The following ZNF236 variants were observed in gnomAD, a reference collection of about 807,000 sequenced individuals.
ZNF236 encodes regulated by glucose.
In ZNF236, 50 loss-of-function variants were observed where a neutral mutation model predicts 191.2. The observed-to-expected ratio is 0.26, with a 90% CI of 0.21 to 0.33. The LOEUF (loss-of-function observed/expected upper bound fraction) is 0.33. Ranked by LOEUF, ZNF236 falls within the 10% of genes least tolerant of loss-of-function variation. The pLI, the probability that ZNF236 is intolerant of heterozygous loss-of-function variation, is 1.00. For synonymous variants in ZNF236, 907 were observed against 928.8 expected (o/e 0.98, Z 0.43); for missense variants, 1,754 against 2,374.5 (o/e 0.74, Z 5.43).
chr18:76,849,979 G>A (rs1057310789), intron 2 of ZNF236, among the ~76,000 whole-genome samples: 2 of 152,186 alleles, frequency 1.3e-5, no homozygotes, highest in Non-Finnish European at 2.9e-5. Context: ...GAACACAGAA[G>A]TGGTGTGTTT....
intron 3 of ZNF236, among the ~76,000 whole-genome samples, chr18:76,852,520 G>C (rs1975907636): frequency 6.6e-6 from 1 of 151,968 alleles, no homozygotes; most frequent in African/African-American, 2.4e-5. Context: ...CTCCTCCTTC[G>C]TCAGGTGCAG....
chr18:76,888,509 C>T (rs559419293), intron 9 of ZNF236: 1 of 152,420 alleles, frequency 6.6e-6, no homozygotes, highest in East Asian at 1.9e-4. Flanking sequence ...ATATCAGTCC[C>T]TCTCTAATTA....
chr18:76,935,401 A>C (rs1309241830), intron 25 of ZNF236, among the ~76,000 whole-genome samples: 1 of 152,246 alleles, frequency 6.6e-6, no homozygotes. Context: ...CTTTAATCAA[A>C]CACAAGCCTT....
chr18:76,842,449 T>G (rs377247992), intron 1 of ZNF236, among the ~76,000 whole-genome samples: 2 of 151,850 alleles, frequency 1.3e-5, no homozygotes, highest in East Asian at 1.9e-4. Flanking sequence ...TTTTTTTTTT[T>G]TTTTTAAGAA....
intron 20 of ZNF236, among the ~76,000 whole-genome samples, chr18:76,920,483 G>A (rs1229157743): frequency 1.3e-5 from 2 of 151,778 alleles, no homozygotes; most frequent in Non-Finnish European, 2.9e-5. Context: ...CCTGAGAGGT[G>A]GAGGTTATGG....
At chr18:76,855,172 C>T (rs1235763012) in intron 3 of ZNF236, among the ~76,000 whole-genome samples, 2 of 152,218 alleles carry the variant, frequency 1.3e-5, no homozygotes, top group Non-Finnish European at 2.9e-5. Context: ...GATCTGCCCA[C>T]CTCAGCCTCC....
rs1304216779 is a variant in ZNF236, at chr18:76,937,182, C to G, written c.4621C>G (p.Pro1541Ala). 1 of 1,614,134 alleles carries G rather than the reference C, an allele frequency of 6.2e-7. No individual in the cohort carries two copies. The highest frequency in any genetic ancestry group is 1.7e-5 in the Admixed American group (1 of 60,030). ...ACTTAACACTACAAGCGGAAGCCTTCCTTCAACAACACCGATGTCTCCATC... is the reference window on the plus strand; with the variant it reads ...ACTTAACACTACAAGCGGAAGCCTTGCTTCAACAACACCGATGTCTCCATC... ...SELNTTSGSLPSTTPMSPSAI... is the reference protein window; with the variant it reads ...SELNTTSGSLASTTPMSPSAI... The change falls in exon 26 of 31, where the codon CCT becomes GCT. Residue 1541 changes from proline (P) to alanine (A), a missense_variant. Around this residue, in one of 5 missense-constraint regions of ZNF236, gnomAD observed 606 missense variants for 761.5 expected, o/e 0.80. Transcript: ENST00000320610.
intron 1 of ZNF236, among the ~76,000 whole-genome samples, chr18:76,845,773 C>T (rs769657551): frequency 2.0e-5 from 3 of 151,952 alleles, no homozygotes; most frequent in Non-Finnish European, 2.9e-5. Context: ...CAATTGAACC[C>T]GGGAGGTGAA....
At chr18:76,854,839 A>T (rs146704369) in intron 3 of ZNF236, among the ~76,000 whole-genome samples, 1 of 152,172 alleles carries the variant, frequency 6.6e-6, no homozygotes, top group East Asian at 1.9e-4. Flanking sequence ...GTACATGCCA[A>T]TTTAACACCT....
chr18:76,922,820 G>T (rs1476222195), intron 20 of ZNF236, among the ~76,000 whole-genome samples: 3 of 152,108 alleles, frequency 2.0e-5, no homozygotes, highest in Admixed American at 2.0e-4. Context: ...GCCTCCCACA[G>T]TGCTGGGATT....
intron 20 of ZNF236, 96 bp from the exon 21 acceptor site, chr18:76,922,975 A>G: frequency 1.1e-6 from 1 of 899,858 alleles, no homozygotes. Context: ...AAACTTAAGC[A>G]GAACGTAGTA....
intron 6 of ZNF236, among the ~76,000 whole-genome samples, chr18:76,876,866 C>A (rs535591378): frequency 7.8e-4 from 119 of 152,198 alleles, no homozygotes; most frequent in Non-Finnish European, 1.5e-3. Context: ...TAGAAAACTC[C>A]CCCTATGCTA....
chr18:76,829,481 C>T (rs541457085), intron 1 of ZNF236, among the ~76,000 whole-genome samples: 2 of 152,202 alleles, frequency 1.3e-5, no homozygotes, highest in South Asian at 2.1e-4. Context: ...CCTCGTGCTA[C>T]TACGCCCGGC....
chr18:76,847,652 G>A (rs1005871345), intron 1 of ZNF236, among the ~76,000 whole-genome samples: 1 of 151,952 alleles, frequency 6.6e-6, no homozygotes, highest in South Asian at 2.1e-4. Context: ...TGTGTCTTTA[G>A]TAGAGACAGG....
At chr18:76,870,268 ATT>A (rs3842672) in intron 4 of ZNF236, among the ~76,000 whole-genome samples, 2 of 151,596 alleles carry the variant, frequency 1.3e-5, no homozygotes, top group African/African-American at 2.4e-5. Flanking sequence ...GATTTCAGTG[ATT>A]TTTTTTTTCT....
chr18:76,929,874 C>A (rs1037536115), intron 25 of ZNF236, among the ~76,000 whole-genome samples: 1 of 152,124 alleles, frequency 6.6e-6, no homozygotes, highest in Admixed American at 6.5e-5. Context: ...TTTCCATTAA[C>A]ACATAGGATT....
chr18:76,927,594 G>A lies in ZNF236; in HGVS notation c.4414+77G>A. The A allele has an allele frequency of 2.0e-6, 3 of 1,523,396 alleles. No individual in the cohort carries two copies. The Admixed American group carries it at 5.9e-5, about 30-fold the overall frequency. 94.4% of individuals were successfully genotyped at this position (1,523,396 alleles called of 1,614,324 possible). A position where few individuals can be genotyped will look rare whatever the true frequency, so the allele number is the denominator to read the frequency against. On this transcript the variant is annotated intron_variant, in intron 24 of 30. Transcript: ENST00000320610. This position sits in a 1 kb window ranked among gnomAD's most constrained non-coding sequence, Gnocchi z 5.4. ...GCTTGTGATTACATATTTGAATTTA[G>A]GATGTTATGATGTCATTTTCTTCTC...
At position 76,854,879 on chromosome 18, in the gene ZNF236, C is replaced by T. The variant is rs1011343398; in HGVS notation, c.363+2940C>T. Among the ~76,000 whole-genome samples the T allele has an allele frequency of 5.9e-5, 9 of 152,236 alleles. No homozygotes were observed. In the South Asian group the frequency reaches 1.9e-3, roughly 32 times the overall value. On this transcript the variant is annotated intron_variant, in intron 3 of 30. Coordinates refer to ENST00000320610, the MANE Select transcript of ZNF236 (RefSeq NM_001306089.2). ...TTGCAGAGTTTAGGAATGCCTGTGT[C>T]ACTTATCAATAGTGCTATTCAAAAA...
At chr18:76,824,123 G>C (rs959342588) in intron 1 of ZNF236, 7 of 578,678 alleles carry the variant, frequency 1.2e-5, no homozygotes, top group Non-Finnish European at 1.9e-5. Context: ...TAAAGAGCTT[G>C]TGACCAAACA....
Sources: allele counts gnomAD v4.1 joint callset (sites outside exome capture counted in the v4.1 genomes callset), GRCh38; gene constraint gnomAD v4.1.1; regional missense constraint gnomAD v4.1.1; non-coding constraint Gnocchi (gnomAD v3.1); transcripts MANE v1.5; gene names NCBI Gene and HGNC (gene_info 2026-07-23, HGNC 2026-07-21).